The following TUSC2 variants were observed in gnomAD, a reference collection of about 807,000 sequenced individuals.
TUSC2 encodes the protein tumor suppressor candidate 2.
Under a neutral mutation model 11.5 loss-of-function variants are expected in TUSC2, and 7 were observed. That is an observed-to-expected ratio of 0.61 (90% CI 0.35 to 1.14). TUSC2 has a LOEUF of 1.14. Among genes scored for constraint, TUSC2 ranks in the 50% most tolerant of loss-of-function variants. TUSC2 has a pLI of 0.03. For missense variants in TUSC2, 132 were observed against 155.0 expected (o/e 0.85, Z 0.79); for synonymous variants, 61 against 64.1 (o/e 0.95, Z 0.23).
Position 50,326,107 on chromosome 3 carries a change from G to T in TUSC2, c.*14C>A. 1 of 1,575,186 alleles carries T rather than the reference G, an allele frequency of 6.3e-7. No individual in the cohort carries two copies. Among genetic ancestry groups the T allele is most frequent in the Non-Finnish European group, 8.6e-7 (1 of 1,160,054 alleles). On this transcript the variant is annotated 3_prime_UTR_variant, in exon 3 of 3. Coordinates refer to ENST00000232496, the MANE Select transcript of TUSC2 (RefSeq NM_007275.3). ...GCCGGGGCAGGGGGTGCTTCTGTCTGCCACCTCCCAGGGTCACACCTCATA... is the reference window on the plus strand; with the variant it reads ...GCCGGGGCAGGGGGTGCTTCTGTCTTCCACCTCCCAGGGTCACACCTCATA...
Position 50,325,051 on chromosome 3 carries a change from A to G in TUSC2, c.*1070T>C, listed in dbSNP as rs1702768459. 1.3e-5 allele frequency: 2 copies of G among 152,656 alleles called. No homozygotes were observed. Among genetic ancestry groups the G allele is most frequent in the South Asian group, 2.1e-4 (1 of 4,836 alleles). 9.5% of individuals were successfully genotyped at this position (152,656 alleles called of 1,614,324 possible). A position where few individuals can be genotyped will look rare whatever the true frequency, so the allele number is the denominator to read the frequency against. On this transcript the variant is annotated 3_prime_UTR_variant, in exon 3 of 3. Coordinates refer to ENST00000232496, the MANE Select transcript of TUSC2 (RefSeq NM_007275.3). This position sits in a 1 kb window ranked among gnomAD's most constrained non-coding sequence, Gnocchi z 5.1. Reference sequence around the variant, plus strand: ...TACTTAAAAAAAAAGTCACCTCTATATAGAAATCAGACTCTGCCACGACAT... The same window carrying G: ...TACTTAAAAAAAAAGTCACCTCTATGTAGAAATCAGACTCTGCCACGACAT...
chr3:50,327,608 G>C (rs1367669069), intron 1 of TUSC2, among the ~76,000 whole-genome samples: 2 of 152,178 alleles, frequency 1.3e-5, no homozygotes, highest in Admixed American at 6.5e-5. Flanking sequence ...GAATAACTGG[G>C]GGGGAAAGGG....
rs1553717434 is a variant in TUSC2 at position 50,326,711 on chromosome 3, G to A, written c.147-234C>T. Among the ~76,000 whole-genome samples, 3 of 152,170 alleles carry A rather than the reference G, an allele frequency of 2.0e-5. No individual in the cohort carries two copies. In the South Asian group the frequency reaches 6.2e-4, roughly 32 times the overall value. On this transcript the variant is annotated intron_variant, in intron 1 of 2. Coordinates refer to ENST00000232496, the MANE Select transcript of TUSC2 (RefSeq NM_007275.3). ...CAGCTTGCTGCAACCTCTGCCTCCT[G>A]GGTTCAAGCAATTCTCCTGCCTCAG...
rs1269940579 is a variant in TUSC2 at position 50,325,756 on chromosome 3, T to C, written c.*365A>G. 6.3e-6 allele frequency: 2 copies of C among 318,432 alleles called. No individual in the cohort carries two copies. Among genetic ancestry groups the C allele is most frequent in the Non-Finnish European group, 1.2e-5 (2 of 166,694 alleles). 19.7% of individuals were successfully genotyped at this position (318,432 alleles called of 1,614,324 possible). On this transcript the variant is annotated 3_prime_UTR_variant, in exon 3 of 3. Coordinates refer to ENST00000232496, the MANE Select transcript of TUSC2 (RefSeq NM_007275.3). This position sits in a 1 kb window ranked among gnomAD's most constrained non-coding sequence, Gnocchi z 5.1. The stretch of plus-strand genomic sequence containing the variant: ...AAAGCATACCTTGCTTGTAAAGTGC[T>C]GTAGCCTCTAGCAGGGCTAGGCCCC...
At position 50,325,863 on chromosome 3, in the gene TUSC2, T is replaced by C. The variant is rs1575534858; in HGVS notation, c.*258A>G. On this transcript the variant is annotated 3_prime_UTR_variant, in exon 3 of 3. Transcript: ENST00000232496. This position sits in a 1 kb window ranked among gnomAD's most constrained non-coding sequence, Gnocchi z 5.1. ...CTGGTATATGCCCTGCTGTGCTGCT[T>C]GCAGGGGTGGCTTGGGAGAGTGGGG... 1.8e-6 allele frequency: 1 copy of C among 555,322 alleles called. No homozygotes were observed. The highest frequency in any genetic ancestry group is 3.0e-5 in the East Asian group (1 of 32,840). 34.4% of individuals were successfully genotyped at this position (555,322 alleles called of 1,614,324 possible). A position where few individuals can be genotyped will look rare whatever the true frequency, so the allele number is the denominator to read the frequency against.
rs143031989 is a variant in TUSC2 at position 50,326,419 on chromosome 3, C to G, written c.205G>C (p.Val69Leu). The G allele has an allele frequency of 5.0e-6, 8 of 1,613,950 alleles. No homozygotes were observed. Among genetic ancestry groups the G allele is most frequent in the Non-Finnish European group, 6.8e-6 (8 of 1,180,010 alleles). ...LAHEFYEETI[V>L]TKNGQKRAKL... ...GCCCGCTTCTGCCCGTTCTTGGTGA[C>G]GATTGTCTCCTCATAGAACTCGTGA... is the stretch of plus-strand genomic sequence containing the variant. The change falls in exon 2 of 3, where the codon GTC becomes CTC. Residue 69 changes from valine (V) to leucine (L), a missense_variant. By Grantham distance (32) the Val-to-Leu change is conservative. Around this residue, in one of 3 missense-constraint regions of TUSC2, gnomAD observed 65 missense variants for 94.0 expected, o/e 0.69. Transcript: ENST00000232496.
Position 50,327,958 on chromosome 3 carries a change from G to A in TUSC2, c.142C>T (p.Arg48Cys). Residue 48 changes from arginine to cysteine, a missense_variant, in exon 1 of 3, where the codon CGC becomes TGC. Physicochemically the swap from Arg to Cys is radical, Grantham distance 180. Coordinates refer to ENST00000232496, the MANE Select transcript of TUSC2 (RefSeq NM_007275.3). ...RAVPPFVFTR[R>C]GSMFYDEDGD... ...GGGTGGAACCCATGCCCTTACCCGC[G>A]GCGCGTGAATACGAAGGGGGGCACA... The A allele has an allele frequency of 1.3e-6, 2 of 1,536,588 alleles. No individual in the cohort carries two copies. The highest frequency in any genetic ancestry group is 8.7e-7 in the Non-Finnish European group (1 of 1,144,646).
At position 50,326,337 on chromosome 3, in the gene TUSC2, A is replaced by G; in HGVS notation, c.267+20T>C. 6.2e-7 allele frequency: 1 copy of G among 1,613,298 alleles called. No individual in the cohort carries two copies. Among genetic ancestry groups the G allele is most frequent in the Non-Finnish European group, 8.5e-7 (1 of 1,179,848 alleles). ...CCACACGCTTAGTGTAGGCTCTGTG[A>G]CCGCTGCCCAGCCCCTCACCTGAGG... On this transcript the variant is annotated intron_variant, in intron 2 of 2. Coordinates refer to ENST00000232496, the MANE Select transcript of TUSC2 (RefSeq NM_007275.3).
Position 50,325,874 on chromosome 3 carries a change from C to A in TUSC2, c.*247G>T. 1.8e-6 allele frequency: 1 copy of A among 568,850 alleles called. No homozygotes were observed. The highest frequency in any genetic ancestry group is 3.2e-6 in the Non-Finnish European group (1 of 315,636). The allele number at this position is 568,850 out of a possible 1,614,324, so 35.2% of individuals were successfully genotyped here. ...CCTGCTGTGCTGCTTGCAGGGGTGG[C>A]TTGGGAGAGTGGGGTGCTAACTCTG... is the stretch of plus-strand genomic sequence containing the variant. On this transcript the variant is annotated 3_prime_UTR_variant, in exon 3 of 3. Transcript: ENST00000232496. This position sits in a 1 kb window ranked among gnomAD's most constrained non-coding sequence, Gnocchi z 5.1.
chr3:50,328,141 C>T lies in TUSC2; in HGVS notation c.-42G>A. The T allele has an allele frequency of 7.4e-7, 1 of 1,352,902 alleles. No individual in the cohort carries two copies. Among genetic ancestry groups the T allele is most frequent in the South Asian group, 1.7e-5 (1 of 57,194 alleles). The allele number at this position is 1,352,902 out of a possible 1,614,324, so 83.8% of individuals were successfully genotyped here. Reference sequence around the variant, plus strand: ...CATGGCGGGCCCCGTGGCCGCTCTGCTCACACCGCAGTCCGCACTACCATA... The same window carrying T: ...CATGGCGGGCCCCGTGGCCGCTCTGTTCACACCGCAGTCCGCACTACCATA... On this transcript the variant is annotated 5_prime_UTR_variant, in exon 1 of 3. Coordinates refer to ENST00000232496, the MANE Select transcript of TUSC2 (RefSeq NM_007275.3).
chr3:50,325,618 CAG>C lies in TUSC2; in HGVS notation c.*501_*502del, dbSNP rs1255039847. The C allele has an allele frequency of 6.3e-6, 1 of 159,072 alleles. No homozygotes were observed. Among genetic ancestry groups the C allele is most frequent in the East Asian group, 1.8e-4 (1 of 5,522 alleles). 9.9% of individuals were successfully genotyped at this position (159,072 alleles called of 1,614,324 possible). ...CACTGCCCCCAGCCTCTGTCCAACA[CAG>C]GAGGAATCGAGGTAGCAAACGGCTG... is the stretch of plus-strand genomic sequence containing the variant. On this transcript the variant is annotated 3_prime_UTR_variant, in exon 3 of 3. Transcript: ENST00000232496. The surrounding 1 kb of genome is among the most constrained non-coding windows in gnomAD (Gnocchi z 5.1).
At chr3:50,327,183 C>G (rs782231899) in intron 1 of TUSC2, 1 of 456,758 alleles carries the variant, frequency 2.2e-6, no homozygotes, top group South Asian at 1.5e-5. Context: ...CCAGAAGATG[C>G]TGCTGGCCCA....
Position 50,328,170 on chromosome 3 carries a change from T to TGCCCCA in TUSC2, c.-77_-72dup. 1 of 1,290,054 alleles carries TGCCCCA rather than the reference T, an allele frequency of 7.8e-7. No homozygotes were observed. The highest frequency in any genetic ancestry group is 9.8e-7 in the Non-Finnish European group (1 of 1,016,904). 79.9% of individuals were successfully genotyped at this position (1,290,054 alleles called of 1,614,324 possible). A position where few individuals can be genotyped will look rare whatever the true frequency, so the allele number is the denominator to read the frequency against. ...CACCGCAGTCCGCACTACCATAACC[T>TGCCCCA]GCCCCAGCCGCTGATCGCAGGTGCC... is the stretch of plus-strand genomic sequence containing the variant. On this transcript the variant is annotated 5_prime_UTR_variant, in exon 1 of 3. Transcript: ENST00000232496.
At position 50,325,959 on chromosome 3, in the gene TUSC2, A is replaced by G; in HGVS notation, c.*162T>C. ...TCCACACACAAACCAACACCCAACCAATACTGTGGGACCGACCCGCTCACA... is the reference window on the plus strand; with the variant it reads ...TCCACACACAAACCAACACCCAACCGATACTGTGGGACCGACCCGCTCACA... On this transcript the variant is annotated 3_prime_UTR_variant, in exon 3 of 3. Transcript: ENST00000232496. The surrounding 1 kb of genome is among the most constrained non-coding windows in gnomAD (Gnocchi z 5.1). 4.7e-6 allele frequency: 4 copies of G among 856,802 alleles called. No individual in the cohort carries two copies. In the South Asian group the frequency reaches 6.9e-5, roughly 15 times the overall value. 53.1% of individuals were successfully genotyped at this position (856,802 alleles called of 1,614,324 possible). A position where few individuals can be genotyped will look rare whatever the true frequency, so the allele number is the denominator to read the frequency against.
chr3:50,327,879 TG>T, intron 1 of TUSC2, 74 bp downstream of exon 1: 1 of 1,381,700 alleles, frequency 7.2e-7, no homozygotes, highest in South Asian at 1.6e-5. Context: ...GGTACAGCGG[TG>T]GAAGTTCCCC....
Position 50,325,929 on chromosome 3 carries a change from T to A in TUSC2, c.*192A>T, listed in dbSNP as rs1301741734. Reference sequence around the variant, plus strand: ...TAGCCTTCACCACCCACCAACCACCTCTTGTCCACACACAAACCAACACCC... The same window carrying A: ...TAGCCTTCACCACCCACCAACCACCACTTGTCCACACACAAACCAACACCC... On this transcript the variant is annotated 3_prime_UTR_variant, in exon 3 of 3. Coordinates refer to ENST00000232496, the MANE Select transcript of TUSC2 (RefSeq NM_007275.3). The surrounding 1 kb of genome is among the most constrained non-coding windows in gnomAD (Gnocchi z 5.1). The A allele has an allele frequency of 1.4e-6, 1 of 695,796 alleles. No homozygotes were observed. Among genetic ancestry groups the A allele is most frequent in the African/African-American group, 1.8e-5 (1 of 55,456 alleles). 43.1% of individuals were successfully genotyped at this position (695,796 alleles called of 1,614,324 possible). A position where few individuals can be genotyped will look rare whatever the true frequency, so the allele number is the denominator to read the frequency against.
In TUSC2 at chr3:50,327,984, G is replaced by T; in HGVS notation, c.116C>A (p.Ala39Asp). ...GCGCGTGAATACGAAGGGGGGCACA[G>T]CTCGGCCCCGAGGCCGCACCAAAGC... is the stretch of plus-strand genomic sequence containing the variant. The part of the protein sequence containing the change: ...EQALVRPRGR[A>D]VPPFVFTRRG... Residue 39 changes from alanine to aspartate, a missense_variant, in exon 1 of 3, where the codon GCT becomes GAT. Coordinates refer to ENST00000232496, the MANE Select transcript of TUSC2 (RefSeq NM_007275.3). 1 of 1,541,414 alleles carries T rather than the reference G, an allele frequency of 6.5e-7. No homozygotes were observed. Among genetic ancestry groups the T allele is most frequent in the Non-Finnish European group, 8.7e-7 (1 of 1,147,170 alleles).
chr3:50,327,879 T>C, intron 1 of TUSC2, 75 bp downstream of exon 1: 4 of 1,381,700 alleles, frequency 2.9e-6, no homozygotes, highest in Non-Finnish European at 3.8e-6. Flanking sequence ...GGTACAGCGG[T>C]GGAAGTTCCC....
intron 1 of TUSC2, chr3:50,326,921 CT>C (rs1702795927): frequency 3.0e-6 from 1 of 329,796 alleles, no homozygotes; most frequent in African/African-American, 2.2e-5. Context: ...CCTGGCCTGC[CT>C]GGAGAATCCT....
Sources: allele counts gnomAD v4.1 joint callset (sites outside exome capture counted in the v4.1 genomes callset), GRCh38; gene constraint gnomAD v4.1.1; regional missense constraint gnomAD v4.1.1; non-coding constraint Gnocchi (gnomAD v3.1); transcripts MANE v1.5; gene names NCBI Gene and HGNC (gene_info 2026-07-23, HGNC 2026-07-21).